HDAC9: variants seen among roughly 807,000 people sequenced by gnomAD.
HDAC9 encodes histone deacetylase 9.
HDAC9 carries 41 observed loss-of-function variants against 139.4 expected under a neutral mutation model. The ratio of observed to expected loss-of-function variants is 0.29; its 90% CI spans 0.23 to 0.38. The LOEUF is 0.38. HDAC9 is among the 10% of genes least tolerant of loss of function. The pLI is 1.00. For missense variants in HDAC9, 1,147 were observed against 1,297.0 expected, an observed-to-expected ratio of 0.88 and a Z score of 1.78; for synonymous variants, 517 against 476.2, an observed-to-expected ratio of 1.09 and a Z score of -1.12.
At chr7:18,802,453 T>A (rs1164238843) in intron 17 of HDAC9, among the ~76,000 whole-genome samples, 1 of 151,954 alleles carries the variant, frequency 6.6e-6, no homozygotes. Context: ...AAATGTTCTT[T>A]GTGTGCTTAA....
intron 2 of HDAC9, among the ~76,000 whole-genome samples, chr7:18,584,140 C>CTATTTTTT (rs1828704651): frequency 9.3e-6 from 1 of 107,754 alleles, no homozygotes; most frequent in African/African-American, 3.5e-5. Context: ...AAGCAGCATT[C>CTATTTTTT]TTTTTTTTTT....
intron 2 of HDAC9, among the ~76,000 whole-genome samples, chr7:18,198,548 A>G (rs770412152): frequency 6.6e-6 from 1 of 152,166 alleles, no homozygotes; most frequent in Non-Finnish European, 1.5e-5. Flanking sequence ...ACATCATACA[A>G]TCTCACAATA....
At chr7:18,768,883 C>G (rs190002460) in intron 16 of HDAC9, among the ~76,000 whole-genome samples, 4 of 152,200 alleles carry the variant, frequency 2.6e-5, no homozygotes, top group Admixed American at 2.6e-4. Flanking sequence ...TTTTCACTTT[C>G]AATACAGTAT....
chr7:18,198,562 A>G (rs1256484449), intron 2 of HDAC9, among the ~76,000 whole-genome samples: 1 of 152,146 alleles, frequency 6.6e-6, no homozygotes, highest in Non-Finnish European at 1.5e-5. Context: ...CACAATATCC[A>G]TTTTTAATTT....
rs1796043114 is a variant in HDAC9 at position 18,266,920 on chromosome 7, G to A, written c.25+104571G>A. ...GATGGAGCCATCCAATTTTAGAGATGCAAAAACATTAGGTACATAGGTTTT... is the reference window on the plus strand; with the variant it reads ...GATGGAGCCATCCAATTTTAGAGATACAAAAACATTAGGTACATAGGTTTT... On this transcript the variant is annotated intron_variant, in intron 2 of 12. Coordinates refer to the HDAC9 transcript ENST00000417496. Among the ~76,000 whole-genome samples, 7 of 151,486 alleles carry A rather than the reference G, an allele frequency of 4.6e-5. No homozygotes were observed. In the South Asian group the frequency reaches 8.3e-4, roughly 18 times the overall value.
intron 8 of HDAC9, 44 bp downstream of exon 8, chr7:18,634,786 G>T: frequency 8.4e-7 from 1 of 1,193,410 alleles, no homozygotes. Context: ...CTGAATTTCT[G>T]ATTAGCTACC....
chr7:18,917,577 G>A (rs1302897285), intron 22 of HDAC9, among the ~76,000 whole-genome samples: 1 of 151,910 alleles, frequency 6.6e-6, no homozygotes, highest in Non-Finnish European at 1.5e-5. Context: ...ATAGATGAGA[G>A]GAGGAGGAAA....
At chr7:18,533,195 A>G (rs1809632584) in intron 2 of HDAC9, among the ~76,000 whole-genome samples, 1 of 152,166 alleles carries the variant, frequency 6.6e-6, no homozygotes, top group Non-Finnish European at 1.5e-5. Context: ...TGTTTCTACC[A>G]TGTGCTTAAA....
chr7:18,519,233 T>G (rs1804206312), intron 2 of HDAC9, among the ~76,000 whole-genome samples: 1 of 152,336 alleles, frequency 6.6e-6, no homozygotes, highest in Non-Finnish European at 1.5e-5. Context: ...TAGGTCAGTG[T>G]AATCCTATCT....
At position 18,666,420 on chromosome 7, in the gene HDAC9, G is replaced by A; in HGVS notation, c.1675G>A (p.Glu559Lys). 6.2e-7 allele frequency: 1 copy of A among 1,612,740 alleles called. No individual in the cohort carries two copies. The highest frequency in any genetic ancestry group is 8.5e-7 in the Non-Finnish European group (1 of 1,179,320). Residue 559 changes from glutamate (E) to lysine (K), a missense_variant, in exon 12 of 26, where the codon GAA becomes AAA. Coordinates refer to ENST00000686413, the MANE Select transcript of HDAC9 (RefSeq NM_178425.4). Reference sequence around the variant, plus strand: ...CAAGGAGGAACCAGTGGACAGTGATGAAGATGCTCAGATCCAGGAAATGGA... The same window carrying A: ...CAAGGAGGAACCAGTGGACAGTGATAAAGATGCTCAGATCCAGGAAATGGA... Reference protein sequence around the residue: ...KVKEEPVDSDEDAQIQEMESG... With the variant: ...KVKEEPVDSDKDAQIQEMESG...
intron 22 of HDAC9, among the ~76,000 whole-genome samples, chr7:18,897,989 C>CA (rs1801368881): frequency 6.6e-6 from 1 of 151,744 alleles, no homozygotes. Flanking sequence ...GGAACAAATA[C>CA]ATTTTTGTAT....
chr7:18,904,388 TGAC>T (rs1023375965), intron 22 of HDAC9, among the ~76,000 whole-genome samples: 3 of 152,130 alleles, frequency 2.0e-5, no homozygotes, highest in African/African-American at 7.2e-5. Flanking sequence ...AAAGTGTGTG[TGAC>T]ATAAGATGTG....
intron 1 of HDAC9, among the ~76,000 whole-genome samples, chr7:18,390,086 AC>A (rs1786328559): frequency 6.7e-6 from 1 of 149,684 alleles, no homozygotes; most frequent in African/African-American, 2.5e-5. Flanking sequence ...ACACACACAC[AC>A]ACACACACGT....
intron 2 of HDAC9, among the ~76,000 whole-genome samples, chr7:18,557,234 G>C (rs1296183020): frequency 6.6e-6 from 1 of 151,772 alleles, no homozygotes; most frequent in African/African-American, 2.4e-5. Flanking sequence ...TATTCTCCAT[G>C]TGATATTGAC....
chr7:18,218,511 G>T (rs1792468928), intron 2 of HDAC9, among the ~76,000 whole-genome samples: 1 of 152,004 alleles, frequency 6.6e-6, no homozygotes, highest in African/African-American at 2.4e-5. Flanking sequence ...GTATTCCATT[G>T]ACCCTACTAA....
At chr7:18,713,614 G>C (rs868830314) in intron 12 of HDAC9, among the ~76,000 whole-genome samples, 1 of 151,988 alleles carries the variant, frequency 6.6e-6, no homozygotes, top group East Asian at 1.9e-4. Flanking sequence ...TAAGGATGTA[G>C]GGCATTTATG....
intron 21 of HDAC9, among the ~76,000 whole-genome samples, chr7:18,837,645 A>G (rs182705631): frequency 1.3e-5 from 2 of 152,228 alleles, no homozygotes; most frequent in African/African-American, 4.8e-5. Flanking sequence ...TTGGGGTACT[A>G]TAGCTTTATA....
In HDAC9 at chr7:18,565,848, AT is replaced by A. The variant is rs35924732; in HGVS notation, c.23-19420del. 7.7e-3 allele frequency among the ~76,000 whole-genome samples: 1,118 copies of A among 145,984 alleles called. 11 individuals are homozygous for A. The highest frequency in any genetic ancestry group is 0.021 in the African/African-American group (849 of 40,122). On this transcript the variant is annotated intron_variant, in intron 2 of 25. Coordinates refer to ENST00000686413, the MANE Select transcript of HDAC9 (RefSeq NM_178425.4). Reference sequence around the variant, plus strand: ...TTCTAAGATATTTATAATGTGGATAATTTTTTTTTTTTTCAGTTTTACCCTG... The same window carrying A: ...TTCTAAGATATTTATAATGTGGATAATTTTTTTTTTTTCAGTTTTACCCTG...
At position 18,299,170 on chromosome 7, in the gene HDAC9, A is replaced by T. The variant is rs985992687; in HGVS notation, c.-42+8655A>T. 2.9e-4 allele frequency among the ~76,000 whole-genome samples: 44 copies of T among 152,234 alleles called. 1 individual carries two copies. Among genetic ancestry groups the T allele is most frequent in the Admixed American group, 2.6e-3 (39 of 15,290 alleles). On this transcript the variant is annotated intron_variant, in intron 1 of 3. Coordinates refer to the HDAC9 transcript ENST00000413509. ...GTTTATGCAAGAGTAAGATTTTTTTAAAAATTTATTTTAAAAAGTGATTAG... is the reference window on the plus strand; with the variant it reads ...GTTTATGCAAGAGTAAGATTTTTTTTAAAATTTATTTTAAAAAGTGATTAG...
Sources: allele counts gnomAD v4.1 joint callset (sites outside exome capture counted in the v4.1 genomes callset), GRCh38; gene constraint gnomAD v4.1.1; transcripts MANE v1.5; gene names NCBI Gene and HGNC (gene_info 2026-07-23, HGNC 2026-07-21).